CFAP43: variants seen among roughly 807,000 people sequenced by gnomAD.
CFAP43 encodes cilia and flagella associated protein 43.
In CFAP43, 155 loss-of-function variants were observed where a neutral mutation model predicts 218.9. That is an observed-to-expected ratio of 0.71 (90% CI 0.62 to 0.81). CFAP43 has a LOEUF of 0.81. CFAP43 is among the 30% of genes least tolerant of loss of function. The pLI is 0.00. For missense variants in CFAP43, 1,778 were observed against 1,954.3 expected, an observed-to-expected ratio of 0.91 and a Z score of 1.70; for synonymous variants, 645 against 681.3, an observed-to-expected ratio of 0.95 and a Z score of 0.83.
chr10:104,183,963 A>C (rs1489153598), intron 16 of CFAP43, among the ~76,000 whole-genome samples: 1 of 152,260 alleles, frequency 6.6e-6, no homozygotes, highest in Non-Finnish European at 1.5e-5. Context: ...CAAAATTGTT[A>C]TGATACAAAA....
intron 19 of CFAP43, among the ~76,000 whole-genome samples, chr10:104,178,304 T>A (rs2089702613): frequency 6.6e-6 from 1 of 152,188 alleles, no homozygotes; most frequent in Non-Finnish European, 1.5e-5. Context: ...GGTATTTGAT[T>A]GTATTGAGAA....
intron 7 of CFAP43, among the ~76,000 whole-genome samples, chr10:104,204,414 C>T (rs2090621344): frequency 6.6e-6 from 1 of 152,146 alleles, no homozygotes; most frequent in Non-Finnish European, 1.5e-5. Flanking sequence ...TGAAAACACT[C>T]TGAGGAAATT....
In CFAP43 at chr10:104,227,835, C is replaced by CTTTTTTTTTTTT. The variant is rs776193577; in HGVS notation, c.320-2290_320-2279dup. Among the ~76,000 whole-genome samples the CTTTTTTTTTTTT allele has an allele frequency of 5.8e-4, 34 of 58,370 alleles. 4 individuals are homozygous for CTTTTTTTTTTTT. The highest frequency in any genetic ancestry group is 2.0e-3 in the East Asian group (4 of 1,954). 38.3% of individuals were successfully genotyped at this position (58,370 alleles called of 152,430 possible). ...CTCCTCTATTCTACCATGTTTTCTA[C>CTTTTTTTTTTTT]TTTTTTTTTTTTTTTTTTTTTTTTT... On this transcript the variant is annotated intron_variant, in intron 2 of 37. Coordinates refer to ENST00000357060, the MANE Select transcript of CFAP43 (RefSeq NM_025145.7).
chr10:104,184,841 ATGTGGTACCCGAGAATGCAG>A, intron 16 of CFAP43, among the ~76,000 whole-genome samples, 155 bp downstream of exon 16: 1 of 152,244 alleles, frequency 6.6e-6, no homozygotes, highest in East Asian at 1.9e-4. Context: ...GGTCTGCCCC[ATGTGGTACCCGAGAATGCAG>A]TGTACGCTTC....
chr10:104,203,439 G>A, intron 8 of CFAP43: 1 of 424,218 alleles, frequency 2.4e-6, no homozygotes. Flanking sequence ...GTGGCATCAT[G>A]GTAGCTCTTT....
intron 32 of CFAP43, 54 bp from the exon 33 acceptor site, chr10:104,142,447 C>T: frequency 7.5e-7 from 1 of 1,332,062 alleles, no homozygotes; most frequent in Non-Finnish European, 1.0e-6. Flanking sequence ...CAATTTTAGA[C>T]AACATACATC....
chr10:104,173,880 A>C (rs1329336340), intron 19 of CFAP43, among the ~76,000 whole-genome samples: 1 of 152,256 alleles, frequency 6.6e-6, no homozygotes, highest in Non-Finnish European at 1.5e-5. Flanking sequence ...CAACAAGACC[A>C]CTGGAGAGAG....
intron 34 of CFAP43, among the ~76,000 whole-genome samples, chr10:104,134,144 T>A (rs896636828): frequency 1.3e-5 from 2 of 152,200 alleles, no homozygotes; most frequent in African/African-American, 4.8e-5. Flanking sequence ...ATGCCTGTAA[T>A]CCCACCACCT....
At chr10:104,179,960 T>A (rs764884149) in intron 17 of CFAP43, 28 bp from the exon 18 acceptor site, 63 of 1,573,558 alleles carry the variant, frequency 4.0e-5, no homozygotes, top group Non-Finnish European at 7.0e-6. Context: ...AAGACAGACA[T>A]GTCTTAAAGT....
intron 2 of CFAP43, among the ~76,000 whole-genome samples, chr10:104,228,298 CTCCTCCTTCTCT>C (rs2091357348): frequency 6.6e-6 from 1 of 151,820 alleles, no homozygotes; most frequent in Non-Finnish European, 1.5e-5. Flanking sequence ...TTTCTTCCTC[CTCCTCCTTCTCT>C]TCCTCCTTCT....
chr10:104,202,461 A>T (rs2090560864), intron 8 of CFAP43, among the ~76,000 whole-genome samples: 1 of 152,136 alleles, frequency 6.6e-6, no homozygotes, highest in African/African-American at 2.4e-5. Flanking sequence ...ATATCTCTTT[A>T]ATTATTGCCT....
intron 6 of CFAP43, among the ~76,000 whole-genome samples, chr10:104,207,462 G>A (rs921353880): frequency 1.3e-5 from 2 of 152,096 alleles, no homozygotes; most frequent in African/African-American, 4.8e-5. Context: ...TGGAGATTAA[G>A]GTGTCTCTCC....
At chr10:104,140,288 A>G (rs1281511882) in intron 34 of CFAP43, among the ~76,000 whole-genome samples, 1 of 152,224 alleles carries the variant, frequency 6.6e-6, no homozygotes, top group East Asian at 1.9e-4. Flanking sequence ...TAGAATGGAC[A>G]TTTAGCTCTG....
At chr10:104,181,178 C>T (rs966854033) in intron 17 of CFAP43, among the ~76,000 whole-genome samples, 1 of 152,182 alleles carries the variant, frequency 6.6e-6, no homozygotes, top group Non-Finnish European at 1.5e-5. Flanking sequence ...TCTGCCCCAT[C>T]TCCATGAATG....
intron 2 of CFAP43, among the ~76,000 whole-genome samples, chr10:104,227,659 G>A (rs1000413883): frequency 3.3e-5 from 5 of 151,850 alleles, no homozygotes; most frequent in Non-Finnish European, 7.4e-5. Flanking sequence ...GATCATATTT[G>A]TTCCAAATAT....
intron 23 of CFAP43, among the ~76,000 whole-genome samples, 200 bp downstream of exon 23, chr10:104,166,288 G>A (rs988278229): frequency 6.6e-5 from 10 of 152,048 alleles, no homozygotes; most frequent in African/African-American, 1.9e-4. Context: ...TAGCTAGGAT[G>A]GTCTCGATCT....
chr10:104,164,168 C>T lies in CFAP43; in HGVS notation c.3172G>A (p.Glu1058Lys). The change falls in exon 24 of 38, where the codon GAA becomes AAA. Residue 1058 changes from glutamate to lysine, a missense_variant. Glu to Lys is a moderately conservative substitution (Grantham distance 56). Around this residue, in one of 3 missense-constraint regions of CFAP43, gnomAD observed 1,553 missense variants for 1,685.2 expected, o/e 0.92. Coordinates refer to ENST00000357060, the MANE Select transcript of CFAP43 (RefSeq NM_025145.7). ...AATTCTGGTTGCCAGACTGCTTCTT[C>T]CAATTCCAGATCTAAAATAATTTCT... ...IREIILDLELEEAVWQPEFED... is the reference protein window; with the variant it reads ...IREIILDLELKEAVWQPEFED... The T allele has an allele frequency of 6.2e-7, 1 of 1,614,206 alleles. No homozygotes were observed.
chr10:104,187,198 A>G, intron 14 of CFAP43, 122 bp downstream of exon 14: 6 of 696,292 alleles, frequency 8.6e-6, no homozygotes, highest in Non-Finnish European at 1.2e-5. Flanking sequence ...ATATTAATAA[A>G]ATGAAGGCAT....
At position 104,130,003 on chromosome 10, in the gene CFAP43, A is replaced by AT. The variant is rs1181924833; in HGVS notation, c.*135dup. 1.1e-5 allele frequency: 12 copies of AT among 1,126,182 alleles called. No individual in the cohort carries two copies. In the African/African-American group the frequency reaches 1.3e-4, roughly 12 times the overall value. The allele number at this position is 1,126,182 out of a possible 1,614,324, so 69.8% of individuals were successfully genotyped here. A position where few individuals can be genotyped will look rare whatever the true frequency, so the allele number is the denominator to read the frequency against. On this transcript the variant is annotated 3_prime_UTR_variant, in exon 38 of 38. Coordinates refer to ENST00000357060, the MANE Select transcript of CFAP43 (RefSeq NM_025145.7). The stretch of plus-strand genomic sequence containing the variant: ...ATACAATTAAGGCTAAAATTAAACA[A>AT]TTTTTTATCTAAAACATGCAACTCA...
Sources: allele counts gnomAD v4.1 joint callset (sites outside exome capture counted in the v4.1 genomes callset), GRCh38; gene constraint gnomAD v4.1.1; regional missense constraint gnomAD v4.1.1; transcripts MANE v1.5; gene names NCBI Gene and HGNC (gene_info 2026-07-23, HGNC 2026-07-21).